The following COL18A1 variants were observed in gnomAD, a reference collection of about 807,000 sequenced individuals.
COL18A1 encodes collagen type XVIII alpha 1 chain.
Under a neutral mutation model 168.0 loss-of-function variants are expected in COL18A1, and 133 were observed. The observed-to-expected ratio is 0.79, with a 90% CI of 0.69 to 0.91. The LOEUF (loss-of-function observed/expected upper bound fraction) is 0.91, where lower values mean the gene tolerates loss of function less well. COL18A1 is among the 40% of genes least tolerant of loss of function. The pLI, the probability that COL18A1 is intolerant of heterozygous loss-of-function variation, is 0.00. For synonymous variants in COL18A1, 949 were observed against 809.0 expected, an observed-to-expected ratio of 1.17 and a Z score of -2.94; for missense variants, 2,126 against 1,925.4, an observed-to-expected ratio of 1.10 and a Z score of -1.95.
In COL18A1 at chr21:45,472,463, G is replaced by A. The variant is rs369639166; in HGVS notation, c.652-1432G>A. Among the ~76,000 whole-genome samples the A allele has an allele frequency of 9.9e-5, 15 of 152,208 alleles. No homozygotes were observed. In the East Asian group the frequency reaches 2.1e-3, roughly 22 times the overall value. On this transcript the variant is annotated intron_variant, in intron 3 of 41. Transcript: ENST00000651438. ...CCTGACCTTGTGATCCACCCGCCTC[G>A]GCCTTCCAAAGTGCTGGGATTACAG...
chr21:45,435,385 A>G (rs1053667901), intron 2 of COL18A1, among the ~76,000 whole-genome samples: 2 of 151,206 alleles, frequency 1.3e-5, no homozygotes, highest in African/African-American at 4.9e-5. Context: ...TGTTTGGTCC[A>G]TGGGTGGGTT....
chr21:45,431,959 A>G (rs1602368012), intron 2 of COL18A1, among the ~76,000 whole-genome samples: 3 of 151,988 alleles, frequency 2.0e-5, no homozygotes, highest in Admixed American at 2.0e-4. Flanking sequence ...TTCCTGCCCC[A>G]TTGCTAACAA....
intron 27 of COL18A1, 51 bp from the exon 28 acceptor site, chr21:45,494,811 G>T: frequency 6.5e-7 from 1 of 1,542,538 alleles, no homozygotes; most frequent in Non-Finnish European, 8.9e-7. Flanking sequence ...CCCAACTCGT[G>T]GTCAAGGGCC....
chr21:45,479,849 T>A, intron 9 of COL18A1, 53 bp from the exon 10 acceptor site: 1 of 1,610,422 alleles, frequency 6.2e-7, no homozygotes, highest in South Asian at 1.1e-5. Context: ...GAGTGCTGGG[T>A]GCGGCCCATG....
At chr21:45,480,441 C>G (rs771815587) in intron 11 of COL18A1, 26 bp from the exon 12 acceptor site, 42 of 1,613,952 alleles carry the variant, frequency 2.6e-5, no homozygotes, top group Non-Finnish European at 3.5e-5. Flanking sequence ...CTCAGGGCAA[C>G]GTGTCTCTCC....
At chr21:45,416,878 G>A (rs1042449272) in intron 2 of COL18A1, among the ~76,000 whole-genome samples, 1 of 152,048 alleles carries the variant, frequency 6.6e-6, no homozygotes, top group Non-Finnish European at 1.5e-5. Context: ...TCCTCGTTCT[G>A]CATTTCCTCG....
At position 45,507,600 on chromosome 21, in the gene COL18A1, A is replaced by C. The variant is rs765776651; in HGVS notation, c.3249+7A>C. The C allele has an allele frequency of 1.2e-6, 2 of 1,612,908 alleles. No individual in the cohort carries two copies. The highest frequency in any genetic ancestry group is 8.5e-7 in the Non-Finnish European group (1 of 1,179,748). On this transcript the variant is annotated splice_region_variant and intron_variant, in intron 38 of 41. Transcript: ENST00000651438. The stretch of plus-strand genomic sequence containing the variant: ...ACCACTCCCACGAGGGACGGTAAGG[A>C]GCCTTTTTTCTGTTGAGACTGGTGG...
chr21:45,480,527 G>C lies in COL18A1; in HGVS notation c.1452+7G>C. 3 of 1,614,108 alleles carry C rather than the reference G, an allele frequency of 1.9e-6. No homozygotes were observed. Among genetic ancestry groups the C allele is most frequent in the Non-Finnish European group, 1.7e-6 (2 of 1,180,020 alleles). ...CGATCTGGAGGCCCTGCGGGTGAGTGGCCCTTAAACTGCAGCGCTGCCCGA... is the reference window on the plus strand; with the variant it reads ...CGATCTGGAGGCCCTGCGGGTGAGTCGCCCTTAAACTGCAGCGCTGCCCGA... On this transcript the variant is annotated splice_region_variant and intron_variant, in intron 12 of 41. Coordinates refer to ENST00000651438, the MANE Select transcript of COL18A1 (RefSeq NM_001379500.1).
At chr21:45,445,257 G>A (rs749395568) in intron 2 of COL18A1, among the ~76,000 whole-genome samples, 1 of 152,306 alleles carries the variant, frequency 6.6e-6, no homozygotes, top group East Asian at 1.9e-4. Context: ...TGTGGTTTCC[G>A]GGTTCGTCCG....
At chr21:45,415,350 C>T (rs1009089496) in intron 2 of COL18A1, among the ~76,000 whole-genome samples, 1 of 152,154 alleles carries the variant, frequency 6.6e-6, no homozygotes, top group Non-Finnish European at 1.5e-5. Flanking sequence ...GAGTCCTCGG[C>T]CTTCGGAATC....
chr21:45,483,022 G>C (rs2035954303), intron 15 of COL18A1, among the ~76,000 whole-genome samples: 1 of 152,206 alleles, frequency 6.6e-6, no homozygotes, highest in South Asian at 2.1e-4. Context: ...GGTGGCTTCG[G>C]CCCTTGTCAC....
intron 32 of COL18A1, among the ~76,000 whole-genome samples, chr21:45,500,054 CCA>C (rs2036687366): frequency 6.6e-6 from 1 of 151,514 alleles, no homozygotes; most frequent in South Asian, 2.1e-4. Flanking sequence ...GTCGAGGCAC[CCA>C]GAGGCTGGTG....
At chr21:45,453,649 G>A (rs73909559) in intron 2 of COL18A1, among the ~76,000 whole-genome samples, 7,389 of 152,234 alleles carry the variant, frequency 0.049, 260 homozygotes, top group African/African-American at 0.095. Flanking sequence ...AGAGGTGGAG[G>A]AGTCCTGGAC....
Position 45,486,873 on chromosome 21 carries a change from G to C in COL18A1, c.1714G>C (p.Ala572Pro). 6.5e-7 allele frequency: 1 copy of C among 1,528,474 alleles called. No homozygotes were observed. Among genetic ancestry groups the C allele is most frequent in the Non-Finnish European group, 8.8e-7 (1 of 1,138,716 alleles). 94.7% of individuals were successfully genotyped at this position (1,528,474 alleles called of 1,614,324 possible). A position where few individuals can be genotyped will look rare whatever the true frequency, so the allele number is the denominator to read the frequency against. ...TCACCCCACGCAGGGGAGCAAGGGAGCCCCCGGTCCTGCTGGTGCTCGTGG... is the reference window on the plus strand; with the variant it reads ...TCACCCCACGCAGGGGAGCAAGGGACCCCCCGGTCCTGCTGGTGCTCGTGG... ...GAPGHKGSKG[A>P]PGPAGARGES... The change falls in exon 16 of 42, where the codon GCC (alanine) becomes CCC (proline). Residue 572 changes from alanine (A) to proline (P), a missense_variant. Physicochemically the swap from Ala to Pro is conservative, Grantham distance 27. Coordinates refer to ENST00000651438, the MANE Select transcript of COL18A1 (RefSeq NM_001379500.1).
intron 2 of COL18A1, among the ~76,000 whole-genome samples, chr21:45,441,328 TG>T (rs1250179448): frequency 2.0e-5 from 3 of 152,136 alleles, no homozygotes; most frequent in Admixed American, 6.5e-5. Flanking sequence ...GGGGAAGCAA[TG>T]GGGCAAGACG....
intron 15 of COL18A1, among the ~76,000 whole-genome samples, chr21:45,483,848 G>A (rs1416677413): frequency 6.6e-6 from 1 of 152,090 alleles, no homozygotes; most frequent in Non-Finnish European, 1.5e-5. Context: ...TGGGCTGGGA[G>A]TGAATGCATG....
chr21:45,501,150 AC>A (rs1317409726), intron 32 of COL18A1, among the ~76,000 whole-genome samples: 1 of 151,836 alleles, frequency 6.6e-6, no homozygotes, highest in African/African-American at 2.4e-5. Flanking sequence ...GGAGTAAGAA[AC>A]ATGGTCAAAA....
chr21:45,444,868 G>C (rs938671329), intron 2 of COL18A1, among the ~76,000 whole-genome samples: 1 of 152,020 alleles, frequency 6.6e-6, no homozygotes, highest in African/African-American at 2.4e-5. Context: ...TCAAATACAT[G>C]AAAAAAATCA....
intron 2 of COL18A1, among the ~76,000 whole-genome samples, chr21:45,415,981 C>T (rs2838909): frequency 0.64 from 97,317 of 151,998 alleles, 32,426 homozygotes; most frequent in East Asian, 0.75. Flanking sequence ...TGGAATGCCT[C>T]GCCGGGCCTT....
Sources: allele counts gnomAD v4.1 joint callset (sites outside exome capture counted in the v4.1 genomes callset), GRCh38; gene constraint gnomAD v4.1.1; transcripts MANE v1.5; gene names NCBI Gene and HGNC (gene_info 2026-07-23, HGNC 2026-07-21).